The following IQCC variants were observed in gnomAD, a reference collection of about 807,000 sequenced individuals.
IQCC encodes the protein IQ domain-containing protein C.
A neutral mutation model predicts 27.0 loss-of-function variants in IQCC; 23 were observed. That is an observed-to-expected ratio of 0.85 (90% CI 0.61 to 1.21). IQCC has a LOEUF of 1.21. IQCC is among the 50% of genes most tolerant of loss of function. The pLI is 0.00. For synonymous variants in IQCC, 220 were observed against 217.2 expected, an observed-to-expected ratio of 1.01 and a Z score of -0.11; for missense variants, 552 against 562.3, an observed-to-expected ratio of 0.98 and a Z score of 0.19.
At position 32,207,723 on chromosome 1, in the gene IQCC, G is replaced by C; in HGVS notation, c.1042G>C (p.Asp348His). The C allele has an allele frequency of 1.9e-6, 3 of 1,613,942 alleles. No homozygotes were observed. Among genetic ancestry groups the C allele is most frequent in the Middle Eastern group, 1.6e-4 (1 of 6,062 alleles). ...GACACAGCTGTCTGCACTCTATGAG[G>C]ACTCAAATATTAAGGAGATGTCTCC... is the stretch of plus-strand genomic sequence containing the variant. ...SRTQLSALYE[D>H]SNIKEMSPRK... Residue 348 changes from aspartate (D) to histidine (H), a missense_variant, in exon 5 of 5, where the codon GAC becomes CAC. Transcript: ENST00000291358.
chr1:32,206,399 C>T (rs1643337327), intron 2 of IQCC, 102 bp downstream of exon 2: 1 of 1,596,596 alleles, frequency 6.3e-7, no homozygotes, highest in Admixed American at 1.7e-5. Context: ...AGTAGACTCA[C>T]CTCCTCACAC....
At position 32,205,679 on chromosome 1, in the gene IQCC, C is replaced by G; in HGVS notation, c.-3C>G. On this transcript the variant is annotated 5_prime_UTR_variant, in exon 1 of 5. Coordinates refer to ENST00000291358, the MANE Select transcript of IQCC (RefSeq NM_018134.3). This position sits in a 1 kb window ranked among gnomAD's most constrained non-coding sequence, Gnocchi z 5.6. ...GCGCGGGCGGGCCTGGCAGTTGGCG[C>G]CCATGGAGCCAGAGCTGCTGGTTCG... The G allele has an allele frequency of 1.3e-6, 2 of 1,597,068 alleles. No individual in the cohort carries two copies. Among genetic ancestry groups the G allele is most frequent in the Non-Finnish European group, 1.7e-6 (2 of 1,170,798 alleles).
Position 32,207,303 on chromosome 1 carries a change from G to A in IQCC, c.622G>A (p.Val208Met), listed in dbSNP as rs145580199. 1.7e-4 allele frequency: 274 copies of A among 1,613,912 alleles called. No homozygotes were observed. The highest frequency in any genetic ancestry group is 5.6e-4 in the East Asian group (25 of 44,880). ...GGGCCCGATCAGAGAGGAACCCCGC[G>A]TGTTCCTAGAACATGGGGAACAGGC... ...EAGPIREEPR[V>M]FLEHGEQACE... The change falls in exon 5 of 5, where the codon GTG becomes ATG. Residue 208 changes from valine (V) to methionine (M), a missense_variant. Transcript: ENST00000291358.
chr1:32,207,429 A>G lies in IQCC; in HGVS notation c.748A>G (p.Arg250Gly), dbSNP rs1405458768. 4 of 1,613,922 alleles carry G rather than the reference A, an allele frequency of 2.5e-6. No individual in the cohort carries two copies. The highest frequency in any genetic ancestry group is 1.1e-5 in the South Asian group (1 of 91,082). The stretch of plus-strand genomic sequence containing the variant: ...AGAACAGGAGGATGACTCCTGTCAC[A>G]GGGTCAAATCACCCCACAGATCCCC... ...ELEQEDDSCH[R>G]VKSPHRSPGS... The change falls in exon 5 of 5, where the codon AGG (arginine) becomes GGG (glycine). Residue 250 changes from arginine (R) to glycine (G), a missense_variant. Arg to Gly is a moderately radical substitution (Grantham distance 125, BLOSUM62 -2). Coordinates refer to ENST00000291358, the MANE Select transcript of IQCC (RefSeq NM_018134.3).
Position 32,206,284 on chromosome 1 carries a change from G to A in IQCC, c.173G>A (p.Arg58Gln), listed in dbSNP as rs1034340461. Residue 58 changes from arginine (R) to glutamine (Q), a missense_variant, in exon 2 of 5, where the codon CGA becomes CAA. By Grantham distance (43) the Arg-to-Gln change is conservative. Transcript: ENST00000291358. The stretch of plus-strand genomic sequence containing the variant: ...ACCGAGGGCCGCATTCCCAGGCCGC[G>A]ATTCCTCCCAGAGGTAGAACACACC... ...QWTEGRIPRP[R>Q]FLPEKAKSHQ... The A allele has an allele frequency of 2.5e-6, 4 of 1,614,042 alleles. No homozygotes were observed. In the African/African-American group the frequency reaches 4.0e-5, roughly 16 times the overall value.
In IQCC at chr1:32,207,535, C is replaced by G. The variant is rs370009818; in HGVS notation, c.854C>G (p.Ser285Trp). The G allele has an allele frequency of 1.2e-6, 2 of 1,611,520 alleles. No individual in the cohort carries two copies. Among genetic ancestry groups the G allele is most frequent in the African/African-American group, 2.7e-5 (2 of 74,722 alleles). The change falls in exon 5 of 5, where the codon TCG (serine) becomes TGG (tryptophan). Residue 285 changes from serine to tryptophan, a missense_variant. Transcript: ENST00000291358. ...EPCYSKSGPP[S>W]SIPSNSQALG... is the part of the protein sequence containing the mutation. ...TGCTACAGCAAGTCTGGACCACCGT[C>G]GTCTATACCATCAAACAGCCAGGCC...
At position 32,207,861 on chromosome 1, in the gene IQCC, G is replaced by A. The variant is rs1228627236; in HGVS notation, c.1180G>A (p.Val394Ile). The change falls in exon 5 of 5, where the codon GTC (valine) becomes ATC (isoleucine). Residue 394 changes from valine to isoleucine, a missense_variant. Transcript: ENST00000291358. ...DGTLGGPEHS[V>I]LDLWRTKPPK... is the part of the protein sequence containing the mutation. ...TACCTTGGGGGGGCCAGAGCATAGT[G>A]TCCTCGATCTCTGGAGGACTAAACC... The A allele has an allele frequency of 3.1e-6, 5 of 1,613,988 alleles. No individual in the cohort carries two copies. Among genetic ancestry groups the A allele is most frequent in the African/African-American group, 1.3e-5 (1 of 74,886 alleles).
At position 32,206,038 on chromosome 1, in the gene IQCC, C is replaced by T. The variant is rs182204123; in HGVS notation, c.43-116C>T. The T allele has an allele frequency of 3.6e-4, 579 of 1,598,130 alleles. 3 individuals are homozygous for T. In the African/African-American group the frequency reaches 6.9e-3, roughly 19 times the overall value. ...CTAGCGCACAGCCCACCTATCCTTT[C>T]CCCGCCGTCAGGTCCCCTCTTGCAT... On this transcript the variant is annotated intron_variant, in intron 1 of 4. Coordinates refer to ENST00000291358, the MANE Select transcript of IQCC (RefSeq NM_018134.3).
chr1:32,206,896 A>G lies in IQCC; in HGVS notation c.440-106A>G, dbSNP rs1569702365. 21 of 1,388,344 alleles carry G rather than the reference A, an allele frequency of 1.5e-5. No homozygotes were observed. The East Asian group carries it at 4.8e-4, about 32-fold the overall frequency. 86.0% of individuals were successfully genotyped at this position (1,388,344 alleles called of 1,614,324 possible). ...CCCTCTGCCGGGATAGGGCCACCAC[A>G]TGGTTGGGCAGTGCAGGGGAGGGAG... On this transcript the variant is annotated intron_variant, in intron 3 of 4. Transcript: ENST00000291358.
Position 32,205,676 on chromosome 1 carries a change from G to A in IQCC, c.-6G>A, listed in dbSNP as rs957371068. 2.5e-6 allele frequency: 4 copies of A among 1,595,288 alleles called. No individual in the cohort carries two copies. The African/African-American group carries it at 5.4e-5, about 21-fold the overall frequency. On this transcript the variant is annotated 5_prime_UTR_variant, in exon 1 of 5. Transcript: ENST00000291358. The surrounding 1 kb of genome is among the most constrained non-coding windows in gnomAD (Gnocchi z 5.6). ...GGCGCGCGGGCGGGCCTGGCAGTTG[G>A]CGCCCATGGAGCCAGAGCTGCTGGT...
chr1:32,207,859 G>A lies in IQCC; in HGVS notation c.1178G>A (p.Ser393Asn), dbSNP rs201603864. Reference sequence around the variant, plus strand: ...GGTACCTTGGGGGGGCCAGAGCATAGTGTCCTCGATCTCTGGAGGACTAAA... The same window carrying A: ...GGTACCTTGGGGGGGCCAGAGCATAATGTCCTCGATCTCTGGAGGACTAAA... The part of the protein sequence containing the change: ...WDGTLGGPEH[S>N]VLDLWRTKPP... Residue 393 changes from serine (S) to asparagine (N), a missense_variant, in exon 5 of 5, where the codon AGT (serine) becomes AAT (asparagine). Coordinates refer to ENST00000291358, the MANE Select transcript of IQCC (RefSeq NM_018134.3). 5.0e-6 allele frequency: 8 copies of A among 1,613,994 alleles called. No individual in the cohort carries two copies. Among genetic ancestry groups the A allele is most frequent in the Non-Finnish European group, 6.8e-6 (8 of 1,180,024 alleles).
chr1:32,207,330 T>G lies in IQCC; in HGVS notation c.649T>G (p.Cys217Gly). Reference protein sequence around the residue: ...RVFLEHGEQACERDQSQPSAP... With the variant: ...RVFLEHGEQAGERDQSQPSAP... ...GTTCCTAGAACATGGGGAACAGGCC[T>G]GTGAGAGGGACCAGTCACAACCAAG... The change falls in exon 5 of 5, where the codon TGT (cysteine) becomes GGT (glycine). Residue 217 changes from cysteine (C) to glycine (G), a missense_variant. Transcript: ENST00000291358. 6.2e-7 allele frequency: 1 copy of G among 1,613,996 alleles called. No homozygotes were observed. The highest frequency in any genetic ancestry group is 1.6e-4 in the Middle Eastern group (1 of 6,062).
chr1:32,206,822 T>G, intron 3 of IQCC, 61 bp downstream of exon 3: 1 of 1,580,284 alleles, frequency 6.3e-7, no homozygotes, highest in Non-Finnish European at 8.7e-7. Context: ...GCCTCCCATC[T>G]GAAGAGTGAA....
chr1:32,206,294 A>T lies in IQCC; in HGVS notation c.183A>T (p.Pro61=). ...GCATTCCCAGGCCGCGATTCCTCCC[A>T]GAGGTAGAACACACCTAGGAGAGAA... is the stretch of plus-strand genomic sequence containing the variant. ...EGRIPRPRFL[P]EKAKSHQTWK... is the part of the protein sequence containing the mutation. Residue 61 remains proline (P), a synonymous_variant, in exon 2 of 5, where the codon CCA becomes CCT. Transcript: ENST00000291358. The T allele has an allele frequency of 6.2e-7, 1 of 1,614,132 alleles. No individual in the cohort carries two copies. Among genetic ancestry groups the T allele is most frequent in the Non-Finnish European group, 8.5e-7 (1 of 1,180,006 alleles).
chr1:32,206,146 C>T lies in IQCC; in HGVS notation c.43-8C>T. On this transcript the variant is annotated splice_region_variant and splice_polypyrimidine_tract_variant and intron_variant, in intron 1 of 4. Coordinates refer to ENST00000291358, the MANE Select transcript of IQCC (RefSeq NM_018134.3). ...AAGGGACTTCTTTCCTCTCGTTCTC[C>T]ATACCAGGCCTGCGTCCGGGGCTTC... The T allele has an allele frequency of 3.1e-6, 5 of 1,614,120 alleles. No individual in the cohort carries two copies. Among genetic ancestry groups the T allele is most frequent in the Non-Finnish European group, 4.2e-6 (5 of 1,180,006 alleles).
Position 32,208,106 on chromosome 1 carries a change from C to G in IQCC, c.*24C>G. 2 of 1,565,574 alleles carry G rather than the reference C, an allele frequency of 1.3e-6. No individual in the cohort carries two copies. Among genetic ancestry groups the G allele is most frequent in the Non-Finnish European group, 1.7e-6 (2 of 1,156,166 alleles). ...AGACCCTAGGAAGCCAGGAGAGGAT[C>G]AGGTTCCAAAGGGGAATGCTATGAA... is the stretch of plus-strand genomic sequence containing the variant. On this transcript the variant is annotated 3_prime_UTR_variant, in exon 5 of 5. Coordinates refer to ENST00000291358, the MANE Select transcript of IQCC (RefSeq NM_018134.3).
In IQCC at chr1:32,207,988, C is replaced by G. The variant is rs762996059; in HGVS notation, c.1307C>G (p.Ser436Ter). 3 of 1,614,014 alleles carry G rather than the reference C, an allele frequency of 1.9e-6. No homozygotes were observed. Among genetic ancestry groups the G allele is most frequent in the African/African-American group, 2.7e-5 (2 of 74,904 alleles). Residue 436 changes from serine (S) to a stop codon, truncating the protein, a stop_gained, in exon 5 of 5, where the codon TCA becomes TGA. Coordinates refer to ENST00000291358, the MANE Select transcript of IQCC (RefSeq NM_018134.3). LOFTEE classifies it low-confidence loss of function (END_TRUNC). ...AAGCAGAGGACTATACCATGGAGATCAAAGTCACCTGAGATTCTGTCTTCT... is the reference window on the plus strand; with the variant it reads ...AAGCAGAGGACTATACCATGGAGATGAAAGTCACCTGAGATTCTGTCTTCT... ...QKKQRTIPWR[S>*]KSPEILSSTK... is the part of the protein sequence containing the mutation.
In IQCC at chr1:32,207,509, A is replaced by G. The variant is rs1643400427; in HGVS notation, c.828A>G (p.Pro276=). Residue 276 remains proline, a synonymous_variant, in exon 5 of 5, where the codon CCA becomes CCG. Coordinates refer to ENST00000291358, the MANE Select transcript of IQCC (RefSeq NM_018134.3). ...KNIAGAKCRE[P]CYSKSGPPSS... Reference sequence around the variant, plus strand: ...TTGCTGGGGCTAAGTGCAGAGAACCATGCTACAGCAAGTCTGGACCACCGT... The same window carrying G: ...TTGCTGGGGCTAAGTGCAGAGAACCGTGCTACAGCAAGTCTGGACCACCGT... 6.2e-7 allele frequency: 1 copy of G among 1,611,888 alleles called. No individual in the cohort carries two copies. The highest frequency in any genetic ancestry group is 1.3e-5 in the African/African-American group (1 of 74,762).
In IQCC at chr1:32,207,356, C is replaced by T. The variant is rs747798527; in HGVS notation, c.675C>T (p.Ser225=). Residue 225 remains serine (S), a synonymous_variant, in exon 5 of 5, where the codon AGC becomes AGT. Coordinates refer to ENST00000291358, the MANE Select transcript of IQCC (RefSeq NM_018134.3). The part of the protein sequence containing the change: ...QACERDQSQP[S]APLEDQSYRD... ...GTGAGAGGGACCAGTCACAACCAAG[C>T]GCACCACTGGAGGACCAGTCCTACA... 51 of 1,613,908 alleles carry T rather than the reference C, an allele frequency of 3.2e-5. No individual in the cohort carries two copies. The Admixed American group carries it at 5.8e-4, about 18-fold the overall frequency.
Sources: gnomAD v4.1 joint callset for allele counts on GRCh38, gnomAD v4.1.1 for gene constraint, Gnocchi (gnomAD v3.1) non-coding constraint, MANE v1.5 for transcripts, NCBI Gene and HGNC (gene_info 2026-07-23, HGNC 2026-07-21) for gene names.